The following RAB27A variants were observed in gnomAD, a reference collection of about 807,000 sequenced individuals.
RAB27A encodes the protein RAB27A, member RAS oncogene family.
Under a neutral mutation model 20.8 loss-of-function variants are expected in RAB27A, and 17 were observed. The ratio of observed to expected loss-of-function variants is 0.82; its 90% CI spans 0.56 to 1.23. The LOEUF is 1.23. Ranked by LOEUF, RAB27A falls within the 50% of genes most tolerant of loss-of-function variation. RAB27A has a pLI of 0.00. For missense variants in RAB27A, 277 were observed against 266.7 expected (o/e 1.04, Z -0.27); for synonymous variants, 85 against 92.8 (o/e 0.92, Z 0.48).
chr15:55,275,879 A>G (rs1255310384), intron 1 of RAB27A, among the ~76,000 whole-genome samples: 1 of 146,376 alleles, frequency 6.8e-6, no homozygotes, highest in Non-Finnish European at 1.5e-5. Flanking sequence ...TCAAAACCAC[A>G]ATGATTTTGA....
chr15:55,301,161 C>A (rs1354890525), intron 2 of RAB27A, among the ~76,000 whole-genome samples: 1 of 152,080 alleles, frequency 6.6e-6, no homozygotes, highest in African/African-American at 2.4e-5. Flanking sequence ...CTAACAGGAC[C>A]CACTTTGCAG....
At chr15:55,215,569 G>A (rs113378064) in intron 6 of RAB27A, among the ~76,000 whole-genome samples, 7,697 of 143,388 alleles carry the variant, frequency 0.054, 283 homozygotes, top group Middle Eastern at 0.13. Flanking sequence ...GGAGAATGGC[G>A]TGAACCCGGG....
At chr15:55,262,979 A>C (rs945124167) in intron 2 of RAB27A, among the ~76,000 whole-genome samples, 18 of 152,232 alleles carry the variant, frequency 1.2e-4, no homozygotes, top group Admixed American at 9.8e-4. Flanking sequence ...TACGAGTATT[A>C]TGAATGGGTG....
chr15:55,240,431 T>C (rs1210240195), intron 2 of RAB27A, among the ~76,000 whole-genome samples: 1 of 152,182 alleles, frequency 6.6e-6, no homozygotes, highest in Admixed American at 6.5e-5. Context: ...TCAAGCACTT[T>C]ACACACATTA....
intron 2 of RAB27A, among the ~76,000 whole-genome samples, chr15:55,309,430 G>A (rs1046664903): frequency 6.6e-6 from 1 of 152,212 alleles, no homozygotes; most frequent in African/African-American, 2.4e-5. Context: ...GATGGCACAA[G>A]GTTTCTGAAT....
chr15:55,318,686 A>G (rs901592959), intron 1 of RAB27A, among the ~76,000 whole-genome samples: 2 of 148,730 alleles, frequency 1.3e-5, no homozygotes, highest in South Asian at 4.2e-4. Flanking sequence ...GGACTACAAG[A>G]GCGAAACTCC....
At position 55,203,916 on chromosome 15, in the gene RAB27A, T is replaced by C. The variant is rs1005529521; in HGVS notation, c.*1591A>G. The C allele has an allele frequency of 6.6e-6, 1 of 152,144 alleles. No individual in the cohort carries two copies. The highest frequency in any genetic ancestry group is 1.5e-5 in the Non-Finnish European group (1 of 68,012). The allele number at this position is 152,144 out of a possible 1,614,324, so 9.4% of individuals were successfully genotyped here. On this transcript the variant is annotated 3_prime_UTR_variant, in exon 7 of 7. Transcript: ENST00000336787. ...GTGGAAAAAAAAATAGGTTTTTTCA[T>C]GATACTTTTATTTTTCCTTTTTTAA...
At chr15:55,210,016 A>G (rs1894901179) in intron 6 of RAB27A, among the ~76,000 whole-genome samples, 1 of 144,276 alleles carries the variant, frequency 6.9e-6, no homozygotes, top group Admixed American at 6.8e-5. Context: ...ACATGTACAT[A>G]TATACGCATA....
At chr15:55,288,350 G>A (rs899390306) in intron 1 of RAB27A, among the ~76,000 whole-genome samples, 4 of 151,776 alleles carry the variant, frequency 2.6e-5, no homozygotes, top group South Asian at 2.1e-4. Flanking sequence ...GCAAAACCCC[G>A]CCTCTACTAA....
At position 55,313,441 on chromosome 15, in the gene RAB27A, AC is replaced by A. The variant is rs1301812850; in HGVS notation, c.-112+597del. Among the ~76,000 whole-genome samples, 5 of 152,220 alleles carry A rather than the reference AC, an allele frequency of 3.3e-5. No individual in the cohort carries two copies. In the East Asian group the frequency reaches 7.7e-4, roughly 23 times the overall value. ...CACAAAGAAAACCTCAAAAGATCAT[AC>A]TAAATTGTTAAAGGTACTGAATAAA... On this transcript the variant is annotated intron_variant, in intron 2 of 5. Coordinates refer to the RAB27A transcript ENST00000563262.
At position 55,203,790 on chromosome 15, in the gene RAB27A, T is replaced by C. The variant is rs1314934561; in HGVS notation, c.*1717A>G. 6.6e-6 allele frequency: 1 copy of C among 152,022 alleles called. No homozygotes were observed. The highest frequency in any genetic ancestry group is 1.9e-4 in the East Asian group (1 of 5,184). 9.4% of individuals were successfully genotyped at this position (152,022 alleles called of 1,614,324 possible). A position where few individuals can be genotyped will look rare whatever the true frequency, so the allele number is the denominator to read the frequency against. ...TACAATTCAAATGCACAGGCCTCCATGACTTCTTTGGAATTTAAAAGAAGC... is the reference window on the plus strand; with the variant it reads ...TACAATTCAAATGCACAGGCCTCCACGACTTCTTTGGAATTTAAAAGAAGC... On this transcript the variant is annotated 3_prime_UTR_variant, in exon 7 of 7. Coordinates refer to ENST00000336787, the MANE Select transcript of RAB27A (RefSeq NM_183235.3).
chr15:55,284,027 T>C (rs1595747631), intron 1 of RAB27A, among the ~76,000 whole-genome samples: 1 of 152,316 alleles, frequency 6.6e-6, no homozygotes, highest in Non-Finnish European at 1.5e-5. Flanking sequence ...CCAATTTTAT[T>C]ATTATGCTTT....
At position 55,298,049 on chromosome 15, in the gene RAB27A, C is replaced by T. The variant is rs2054956756; in HGVS notation, c.-112+15990G>A. Among the ~76,000 whole-genome samples, 3 of 151,612 alleles carry T rather than the reference C, an allele frequency of 2.0e-5. No individual in the cohort carries two copies. The South Asian group carries it at 6.2e-4, about 31-fold the overall frequency. ...AACCCCGTCTCTACTAAAAAAAATACAAAAAATTAGCTGGGCATGGTGGCA... is the reference window on the plus strand; with the variant it reads ...AACCCCGTCTCTACTAAAAAAAATATAAAAAATTAGCTGGGCATGGTGGCA... On this transcript the variant is annotated intron_variant, in intron 2 of 5. Transcript: ENST00000563262.
chr15:55,286,765 G>A (rs928384718), intron 1 of RAB27A, among the ~76,000 whole-genome samples: 1 of 152,060 alleles, frequency 6.6e-6, no homozygotes, highest in South Asian at 2.1e-4. Flanking sequence ...GACTCTGGCT[G>A]CTGTGTTAAG....
chr15:55,206,638 A>G (rs28530662), intron 6 of RAB27A, among the ~76,000 whole-genome samples: 47,230 of 152,126 alleles, frequency 0.31, 10,687 homozygotes, highest in African/African-American at 0.64. Flanking sequence ...TGCTGCACCC[A>G]GCCTAGTTTT....
chr15:55,314,997 AC>A (rs2055036769), intron 1 of RAB27A, among the ~76,000 whole-genome samples: 2 of 152,236 alleles, frequency 1.3e-5, no homozygotes, highest in African/African-American at 4.8e-5. Flanking sequence ...GCATCAAGCT[AC>A]CTGACTTCAA....
intron 2 of RAB27A, among the ~76,000 whole-genome samples, chr15:55,311,055 C>A (rs141147413): frequency 1.3e-5 from 2 of 152,134 alleles, no homozygotes; most frequent in East Asian, 1.9e-4. Context: ...CACTGAGGGT[C>A]TACACTGGGA....
intron 2 of RAB27A, among the ~76,000 whole-genome samples, chr15:55,259,198 CT>C (rs2141061209): frequency 6.6e-6 from 1 of 152,136 alleles, no homozygotes; most frequent in East Asian, 1.9e-4. Context: ...TATATTCTTA[CT>C]GTTTTTGGTT....
At chr15:55,234,703 T>C in intron 3 of RAB27A, 79 bp downstream of exon 3, 1 of 1,458,248 alleles carries the variant, frequency 6.9e-7, no homozygotes, top group Non-Finnish European at 9.6e-7. Context: ...GTCCTCCTAA[T>C]TCCTACAAAG....
Sources: gnomAD v4.1 joint callset for allele counts (sites outside exome capture counted in the v4.1 genomes callset) on GRCh38, gnomAD v4.1.1 for gene constraint, MANE v1.5 for transcripts, NCBI Gene and HGNC (gene_info 2026-07-23, HGNC 2026-07-21) for gene names.